GABRG3: variants seen among roughly 807,000 people sequenced by gnomAD.
GABRG3 encodes the protein gamma-aminobutyric acid type A receptor subunit gamma3.
Under a neutral mutation model 48.8 loss-of-function variants are expected in GABRG3, and 25 were observed. That is an observed-to-expected ratio of 0.51 (90% CI 0.37 to 0.72). The LOEUF (loss-of-function observed/expected upper bound fraction) is 0.72. GABRG3 is among the 30% of genes least tolerant of loss of function. GABRG3 has a pLI of 0.00. For missense variants in GABRG3, 394 were observed against 577.9 expected, an observed-to-expected ratio of 0.68 and a Z score of 3.26; for synonymous variants, 227 against 217.6, an observed-to-expected ratio of 1.04 and a Z score of -0.38.
At chr15:27,378,177 T>C (rs1895658557) in intron 5 of GABRG3, among the ~76,000 whole-genome samples, 1 of 152,138 alleles carries the variant, frequency 6.6e-6, no homozygotes, top group Non-Finnish European at 1.5e-5. Flanking sequence ...GAGTTATGAG[T>C]TACTGAAATT....
At chr15:27,203,075 A>G (rs1013587777) in intron 3 of GABRG3, among the ~76,000 whole-genome samples, 1 of 152,154 alleles carries the variant, frequency 6.6e-6, no homozygotes, top group Non-Finnish European at 1.5e-5. Flanking sequence ...GGTTCAAAGG[A>G]TACATGTGCA....
intron 3 of GABRG3, among the ~76,000 whole-genome samples, chr15:27,082,307 C>T (rs1355133335): frequency 6.6e-6 from 1 of 152,182 alleles, no homozygotes; most frequent in Non-Finnish European, 1.5e-5. Context: ...CTCTTTCCTG[C>T]TTTTCATGAA....
At chr15:27,281,528 A>G (rs1315111302) in intron 3 of GABRG3, among the ~76,000 whole-genome samples, 1 of 149,536 alleles carries the variant, frequency 6.7e-6, no homozygotes, top group Non-Finnish European at 1.5e-5. Flanking sequence ...TAGGGGGTAT[A>G]TCTTTTTGTA....
In GABRG3 at chr15:27,533,947, C is replaced by T. The variant is rs1252304756; in HGVS notation, c.*1066C>T. 1 of 152,114 alleles carries T rather than the reference C, an allele frequency of 6.6e-6. No homozygotes were observed. Among genetic ancestry groups the T allele is most frequent in the Non-Finnish European group, 1.5e-5 (1 of 68,058 alleles). The allele number at this position is 152,114 out of a possible 1,614,324, so 9.4% of individuals were successfully genotyped here. The stretch of plus-strand genomic sequence containing the variant: ...CTGCCTCCCATGTTCAAGCGATTTT[C>T]CTGCCTCAGTTTCCCAAGTGGCTGG... On this transcript the variant is annotated 3_prime_UTR_variant, in exon 10 of 10. Coordinates refer to ENST00000615808, the MANE Select transcript of GABRG3 (RefSeq NM_033223.5).
intron 5 of GABRG3, among the ~76,000 whole-genome samples, chr15:27,395,561 T>C (rs966487137): frequency 1.3e-5 from 2 of 151,900 alleles, no homozygotes; most frequent in Non-Finnish European, 2.9e-5. Context: ...TGGAACAGAA[T>C]TGAGAATCTA....
chr15:27,262,458 C>G (rs141031843), intron 3 of GABRG3, among the ~76,000 whole-genome samples: 1 of 152,314 alleles, frequency 6.6e-6, no homozygotes, highest in East Asian at 1.9e-4. Flanking sequence ...ACAGTTTCTT[C>G]TCAGGACCCA....
chr15:27,235,562 C>T (rs1030424639), intron 3 of GABRG3, among the ~76,000 whole-genome samples: 1 of 152,106 alleles, frequency 6.6e-6, no homozygotes, highest in East Asian at 1.9e-4. Context: ...GGGTTTGGAT[C>T]CCTAAAGAAG....
At chr15:27,066,504 A>G (rs1896740028) in intron 3 of GABRG3, among the ~76,000 whole-genome samples, 1 of 152,212 alleles carries the variant, frequency 6.6e-6, no homozygotes. Context: ...GATTTTAAAT[A>G]TGCCTGGAAG....
intron 3 of GABRG3, among the ~76,000 whole-genome samples, chr15:27,261,509 C>T (rs1186242006): frequency 6.7e-6 from 1 of 150,052 alleles, no homozygotes. Flanking sequence ...CCCTTACGTA[C>T]TACAGTATTC....
At chr15:27,464,605 T>A (rs1253474534) in intron 5 of GABRG3, among the ~76,000 whole-genome samples, 1 of 152,152 alleles carries the variant, frequency 6.6e-6, no homozygotes, top group Non-Finnish European at 1.5e-5. Context: ...GGGTTCTAAT[T>A]TTCCCTAACC....
chr15:27,385,081 G>A, intron 5 of GABRG3, among the ~76,000 whole-genome samples: 1 of 152,082 alleles, frequency 6.6e-6, no homozygotes, highest in East Asian at 1.9e-4. Context: ...TTTTCATTCT[G>A]ATGCTTTGAC....
Position 27,236,197 on chromosome 15 carries a change from A to G in GABRG3, c.271-90612A>G, listed in dbSNP as rs1889958693. Among the ~76,000 whole-genome samples, 1 of 152,200 alleles carries G rather than the reference A, an allele frequency of 6.6e-6. No individual in the cohort carries two copies. Among genetic ancestry groups the G allele is most frequent in the African/African-American group, 2.4e-5 (1 of 41,438 alleles). On this transcript the variant is annotated intron_variant, in intron 3 of 9. Coordinates refer to ENST00000615808, the MANE Select transcript of GABRG3 (RefSeq NM_033223.5). This position sits in a 1 kb window ranked among gnomAD's most constrained non-coding sequence, Gnocchi z 4.4. ...TGTCCGGCGTACATGGAAGCATCTC[A>G]GGAGGAAGCCTGCTTATCCCTGTGG...
intron 3 of GABRG3, among the ~76,000 whole-genome samples, chr15:27,066,069 C>T (rs577741441): frequency 1.8e-4 from 27 of 152,252 alleles, no homozygotes; most frequent in Middle Eastern, 6.8e-3. Flanking sequence ...AATAAATCAG[C>T]GAAAGTGACA....
chr15:27,057,080 A>T (rs1340210482), intron 3 of GABRG3, among the ~76,000 whole-genome samples: 1 of 152,172 alleles, frequency 6.6e-6, no homozygotes, highest in Admixed American at 6.5e-5. Context: ...TGGAGAAATA[A>T]ACCTTCCAAC....
rs532789048 is a variant in GABRG3 at position 27,150,157 on chromosome 15, CCTT to C, written c.270+123340_270+123342del. On this transcript the variant is annotated intron_variant, in intron 3 of 9. Transcript: ENST00000615808. ...TTCTTTTGGGAATAGGAAGGGTTGA[CCTT>C]CTTTCTTTCCTTTTTATCACATTTA... Among the ~76,000 whole-genome samples, 6 of 152,248 alleles carry C rather than the reference CCTT, an allele frequency of 3.9e-5. No individual in the cohort carries two copies. In the South Asian group the frequency reaches 8.3e-4, roughly 21 times the overall value.
intron 2 of GABRG3, among the ~76,000 whole-genome samples, chr15:26,989,545 T>C (rs186540627): frequency 8.7e-4 from 133 of 152,304 alleles, no homozygotes; most frequent in African/African-American, 3.0e-3. Flanking sequence ...CATGAGACAT[T>C]TTGGTACAAG....
intron 3 of GABRG3, among the ~76,000 whole-genome samples, chr15:27,242,653 G>A (rs1409614017): frequency 1.3e-5 from 2 of 152,188 alleles, no homozygotes; most frequent in African/African-American, 4.8e-5. Flanking sequence ...CTATTCAGTT[G>A]AAACTGAGAG....
chr15:27,208,816 T>C (rs531049280), intron 3 of GABRG3, among the ~76,000 whole-genome samples: 1 of 152,348 alleles, frequency 6.6e-6, no homozygotes, highest in East Asian at 1.9e-4. Flanking sequence ...CAGAAATTAA[T>C]CTTGAGGTCA....
Position 27,537,496 on chromosome 15 carries a change from T to G in GABRG3, c.*4615T>G, listed in dbSNP as rs878981668. On this transcript the variant is annotated 3_prime_UTR_variant, in exon 10 of 10. Transcript: ENST00000615808. ...ACATGAAAGAACCAACAAATAACTC[T>G]TCAGGATAAATGACACCTGCATCGC... is the stretch of plus-strand genomic sequence containing the variant. The G allele has an allele frequency of 1.3e-5, 2 of 152,220 alleles. No individual in the cohort carries two copies. Among genetic ancestry groups the G allele is most frequent in the Admixed American group, 1.3e-4 (2 of 15,286 alleles). 9.4% of individuals were successfully genotyped at this position (152,220 alleles called of 1,614,324 possible).
Sources: allele counts gnomAD v4.1 joint callset (sites outside exome capture counted in the v4.1 genomes callset), GRCh38; gene constraint gnomAD v4.1.1; non-coding constraint Gnocchi (gnomAD v3.1); transcripts MANE v1.5; gene names NCBI Gene and HGNC (gene_info 2026-07-23, HGNC 2026-07-21).